The following WWC1 variants were observed in gnomAD, a reference collection of about 807,000 sequenced individuals.
WWC1 encodes protein KIBRA.
WWC1 carries 55 observed loss-of-function variants against 138.4 expected under a neutral mutation model. The observed-to-expected ratio is 0.40, with a 90% CI of 0.32 to 0.50. The LOEUF (loss-of-function observed/expected upper bound fraction) is 0.50, where lower values mean the gene tolerates loss of function less well. WWC1 is among the 20% of genes least tolerant of loss of function. The pLI is 0.72. For missense variants in WWC1, 1,226 were observed against 1,420.4 expected, an observed-to-expected ratio of 0.86 and a Z score of 2.20; for synonymous variants, 524 against 564.9, an observed-to-expected ratio of 0.93 and a Z score of 1.03.
At chr5:168,380,529 T>A (rs867787926) in intron 2 of WWC1, among the ~76,000 whole-genome samples, 12 of 152,214 alleles carry the variant, frequency 7.9e-5, no homozygotes, top group Admixed American at 4.6e-4. Flanking sequence ...CAATACCAAC[T>A]GCTAGCAAGG....
rs190495180 is a variant in WWC1, at chr5:168,388,699, A to G, written c.433+3285A>G. Among the ~76,000 whole-genome samples, 26 of 151,786 alleles carry G rather than the reference A, an allele frequency of 1.7e-4. No homozygotes were observed. The East Asian group carries it at 5.1e-3, about 30-fold the overall frequency. ...ACAAAAATTAGCTGGGCGTGGTGGC[A>G]CGTGCCTGTAATCCCAGCTACTCAG... On this transcript the variant is annotated intron_variant, in intron 3 of 22. Coordinates refer to ENST00000265293, the MANE Select transcript of WWC1 (RefSeq NM_015238.3).
At chr5:168,317,350 C>T (rs891484072) in intron 1 of WWC1, among the ~76,000 whole-genome samples, 1 of 152,182 alleles carries the variant, frequency 6.6e-6, no homozygotes, top group African/African-American at 2.4e-5. Flanking sequence ...CTCGCACTCT[C>T]CGGGGTGCAG....
chr5:168,300,673 G>T (rs1229092345), intron 1 of WWC1, among the ~76,000 whole-genome samples: 1 of 151,436 alleles, frequency 6.6e-6, no homozygotes, highest in African/African-American at 2.4e-5. Flanking sequence ...CTCTCTGGCA[G>T]CGAGGACACC....
chr5:168,456,280 G>A (rs1489672974), intron 19 of WWC1, among the ~76,000 whole-genome samples: 1 of 151,768 alleles, frequency 6.6e-6, no homozygotes, highest in Non-Finnish European at 1.5e-5. Context: ...CTCCAGCCTG[G>A]GCAACAGAGT....
At chr5:168,381,775 G>A (rs1777653847) in intron 2 of WWC1, among the ~76,000 whole-genome samples, 1 of 142,826 alleles carries the variant, frequency 7.0e-6, no homozygotes, top group Non-Finnish European at 1.5e-5. Context: ...TTTTTTTGAA[G>A]CTTCTCTGCT....
chr5:168,375,954 C>G (rs1360512226), intron 2 of WWC1, among the ~76,000 whole-genome samples: 2 of 152,150 alleles, frequency 1.3e-5, no homozygotes, highest in Non-Finnish European at 2.9e-5. Flanking sequence ...TCTACACATA[C>G]CATGATTAGA....
intron 8 of WWC1, 197 bp from the exon 9 acceptor site, chr5:168,414,151 C>T (rs763208224): frequency 3.4e-5 from 23 of 671,116 alleles, no homozygotes; most frequent in Non-Finnish European, 4.9e-5. Flanking sequence ...TCCTGCAGAG[C>T]CTACTTCATT....
At chr5:168,396,952 CTTTTA>C (rs141070385) in intron 3 of WWC1, among the ~76,000 whole-genome samples, 13,288 of 151,672 alleles carry the variant, frequency 0.088, 889 homozygotes, top group African/African-American at 0.19. Context: ...ATCAACAATA[CTTTTA>C]TTTTTTTCTG....
At chr5:168,429,886 G>A (rs1436261655) in intron 13 of WWC1, among the ~76,000 whole-genome samples, 2 of 152,086 alleles carry the variant, frequency 1.3e-5, no homozygotes, top group African/African-American at 4.8e-5. Flanking sequence ...CATGAGCCCC[G>A]ATCATGCCAC....
At position 168,467,716 on chromosome 5, in the gene WWC1, C is replaced by A. The variant is rs563097878; in HGVS notation, c.3151-124C>A. 12 of 1,371,190 alleles carry A rather than the reference C, an allele frequency of 8.8e-6. No homozygotes were observed. The South Asian group carries it at 1.6e-4, about 18-fold the overall frequency. 84.9% of individuals were successfully genotyped at this position (1,371,190 alleles called of 1,614,324 possible). On this transcript the variant is annotated intron_variant, in intron 21 of 22. Coordinates refer to ENST00000265293, the MANE Select transcript of WWC1 (RefSeq NM_015238.3). ...CATTATCGTTCTGAATGAAGTGGAT[C>A]CCACATGGAGCAAGAGTGAGGGTGC... is the stretch of plus-strand genomic sequence containing the variant.
Position 168,292,286 on chromosome 5 carries a change from C to T in WWC1, c.119+15C>T. ...CCGCGGGACAGGTAGGACCCTGGAA[C>T]CCTCCTCCGTGCCCCCACACCCCCG... On this transcript the variant is annotated intron_variant, in intron 1 of 22. Coordinates refer to ENST00000265293, the MANE Select transcript of WWC1 (RefSeq NM_015238.3). This position sits in a 1 kb window ranked among gnomAD's most constrained non-coding sequence, Gnocchi z 4.4. 4 of 1,585,250 alleles carry T rather than the reference C, an allele frequency of 2.5e-6. No individual in the cohort carries two copies. Among genetic ancestry groups the T allele is most frequent in the Admixed American group, 1.8e-5 (1 of 56,796 alleles).
chr5:168,467,578 G>A (rs1757404194), intron 21 of WWC1: 1 of 420,652 alleles, frequency 2.4e-6, no homozygotes, highest in Non-Finnish European at 4.3e-6. Flanking sequence ...AGGATTAGAG[G>A]TAGCGCACAT....
chr5:168,408,260 C>G (rs1779954765), intron 6 of WWC1, among the ~76,000 whole-genome samples: 2 of 152,096 alleles, frequency 1.3e-5, no homozygotes, highest in African/African-American at 4.8e-5. Flanking sequence ...GGGATTCCAA[C>G]TAGGGCATGT....
intron 1 of WWC1, among the ~76,000 whole-genome samples, chr5:168,353,046 A>G (rs970878194): frequency 6.6e-6 from 1 of 152,174 alleles, no homozygotes; most frequent in Admixed American, 6.5e-5. Flanking sequence ...AATGAGGTGA[A>G]GTTACTTCAT....
Position 168,437,427 on chromosome 5 carries a change from G to A in WWC1, c.2281-4255G>A, listed in dbSNP as rs111819361. ...CATTGGCAACTATTTCTCTTTCTTG[G>A]TGCATAAAATAATGGTACACTTTTA... On this transcript the variant is annotated intron_variant, in intron 15 of 22. Coordinates refer to ENST00000265293, the MANE Select transcript of WWC1 (RefSeq NM_015238.3). 1.6e-4 allele frequency among the ~76,000 whole-genome samples: 25 copies of A among 152,048 alleles called. 1 individual carries two copies. Among genetic ancestry groups the A allele is most frequent in the African/African-American group, 5.5e-4 (23 of 41,472 alleles).
In WWC1 at chr5:168,430,238, G is replaced by A. The variant is rs972842096; in HGVS notation, c.2087+15G>A. ...GACCAGAAAGTGTGAGTATGTAGCTGGACAGGTGTATTTCATACCCTAACC... is the reference window on the plus strand; with the variant it reads ...GACCAGAAAGTGTGAGTATGTAGCTAGACAGGTGTATTTCATACCCTAACC... On this transcript the variant is annotated intron_variant, in intron 14 of 22. Coordinates refer to ENST00000265293, the MANE Select transcript of WWC1 (RefSeq NM_015238.3). 1 of 1,608,730 alleles carries A rather than the reference G, an allele frequency of 6.2e-7. No homozygotes were observed. Among genetic ancestry groups the A allele is most frequent in the South Asian group, 1.1e-5 (1 of 90,246 alleles).
At chr5:168,309,791 C>A (rs947938073) in intron 1 of WWC1, among the ~76,000 whole-genome samples, 2 of 152,184 alleles carry the variant, frequency 1.3e-5, no homozygotes, top group Admixed American at 1.3e-4. Context: ...CTTTGCTCTT[C>A]CCTAGGGGTG....
chr5:168,356,492 G>A (rs192726887), intron 1 of WWC1, among the ~76,000 whole-genome samples: 3 of 152,338 alleles, frequency 2.0e-5, no homozygotes, highest in Admixed American at 2.0e-4. Context: ...AGTCAGCTGA[G>A]CTGGGAGAAT....
chr5:168,414,594 G>T lies in WWC1; in HGVS notation c.1184+4G>T. 1 of 1,549,896 alleles carries T rather than the reference G, an allele frequency of 6.5e-7. No homozygotes were observed. Among genetic ancestry groups the T allele is most frequent in the Non-Finnish European group, 8.7e-7 (1 of 1,147,216 alleles). On this transcript the variant is annotated splice_donor_region_variant and intron_variant, in intron 9 of 22. Transcript: ENST00000265293. ...AGAGCAAGGCGCTGACGGAGAGGTG[G>T]GGCTGGGGCCCCAGGGTGTGTAGGA...
Sources: gnomAD v4.1 joint callset for allele counts (sites outside exome capture counted in the v4.1 genomes callset) on GRCh38, gnomAD v4.1.1 for gene constraint, Gnocchi (gnomAD v3.1) non-coding constraint, MANE v1.5 for transcripts, NCBI Gene and HGNC (gene_info 2026-07-23, HGNC 2026-07-21) for gene names.